DTNBP1: variants seen among roughly 807,000 people sequenced by gnomAD.
DTNBP1 encodes the protein dysbindin.
A neutral mutation model predicts 42.8 loss-of-function variants in DTNBP1; 35 were observed. The observed-to-expected ratio is 0.82, with a 90% confidence interval of 0.63 to 1.09. DTNBP1 has a LOEUF of 1.09. Ranked by LOEUF, DTNBP1 falls within the 50% of genes least tolerant of loss-of-function variation. The pLI is 0.00. For missense variants in DTNBP1, 457 were observed against 424.2 expected (o/e 1.08, Z -0.68); for synonymous variants, 171 against 162.2 (o/e 1.05, Z -0.41).
At chr6:15,557,149 G>A (rs1284400094) in intron 7 of DTNBP1, among the ~76,000 whole-genome samples, 1 of 151,946 alleles carries the variant, frequency 6.6e-6, no homozygotes, top group Non-Finnish European at 1.5e-5. Context: ...CATAACATAC[G>A]TAACTGAGAC....
At chr6:15,536,085 G>GTGTT (rs1773211394) in intron 7 of DTNBP1, among the ~76,000 whole-genome samples, 1 of 152,172 alleles carries the variant, frequency 6.6e-6, no homozygotes. Flanking sequence ...TCAGTTTTAT[G>GTGTT]TGTTCACAAG....
intron 8 of DTNBP1, among the ~76,000 whole-genome samples, chr6:15,526,008 G>A (rs938726406): frequency 6.6e-6 from 1 of 152,060 alleles, no homozygotes; most frequent in African/African-American, 2.4e-5. Context: ...AGAGAGAGAG[G>A]GCAGGCTAAG....
chr6:15,651,974 C>T, intron 2 of DTNBP1, 113 bp downstream of exon 2: 1 of 866,074 alleles, frequency 1.2e-6, no homozygotes, highest in Non-Finnish European at 1.9e-6. Context: ...ATTTTGTAGT[C>T]AGATGCACTC....
intron 6 of DTNBP1, chr6:15,595,185 G>C: frequency 2.2e-6 from 1 of 448,900 alleles, no homozygotes; most frequent in Non-Finnish European, 4.4e-6. Context: ...TCCTAAAACA[G>C]ATGACTGCTT....
chr6:15,634,891 C>A (rs1759918350), intron 4 of DTNBP1, among the ~76,000 whole-genome samples: 1 of 152,176 alleles, frequency 6.6e-6, no homozygotes, highest in Non-Finnish European at 1.5e-5. Context: ...CTATTCCTTC[C>A]TACATCTCAG....
At chr6:15,628,009 A>G (rs1759454221) in intron 4 of DTNBP1, among the ~76,000 whole-genome samples, 1 of 152,234 alleles carries the variant, frequency 6.6e-6, no homozygotes, top group South Asian at 2.1e-4. Context: ...CCAATTCCAG[A>G]ATTCCAGAAA....
chr6:15,618,711 C>T (rs1008078358), intron 5 of DTNBP1, among the ~76,000 whole-genome samples: 1 of 152,036 alleles, frequency 6.6e-6, no homozygotes. Context: ...GACCAGCAGT[C>T]CCACTACTAT....
At chr6:15,662,724 C>A (rs1761722052) in intron 1 of DTNBP1, 90 bp downstream of exon 1, 1 of 1,563,588 alleles carries the variant, frequency 6.4e-7, no homozygotes, top group African/African-American at 1.4e-5. Context: ...GGACCCTGGA[C>A]CGTGGCGCGG....
At chr6:15,558,675 T>C (rs1304877034) in intron 7 of DTNBP1, among the ~76,000 whole-genome samples, 3 of 152,220 alleles carry the variant, frequency 2.0e-5, no homozygotes, top group Non-Finnish European at 4.4e-5. Flanking sequence ...TTCATAAATA[T>C]TGAGCAAAAT....
intron 7 of DTNBP1, among the ~76,000 whole-genome samples, chr6:15,584,876 C>G (rs1581360677): frequency 6.7e-6 from 1 of 148,370 alleles, no homozygotes; most frequent in African/African-American, 2.5e-5. Flanking sequence ...ATGGATAGTA[C>G]AATAAATTAC....
chr6:15,650,003 C>A (rs1386992709), intron 3 of DTNBP1, among the ~76,000 whole-genome samples: 1 of 152,134 alleles, frequency 6.6e-6, no homozygotes, highest in Non-Finnish European at 1.5e-5. Context: ...CTGTTCTTCA[C>A]ACAACAAAAC....
intron 7 of DTNBP1, among the ~76,000 whole-genome samples, chr6:15,556,395 T>C (rs1389203897): frequency 6.6e-6 from 1 of 152,120 alleles, no homozygotes; most frequent in East Asian, 1.9e-4. Flanking sequence ...TTGGCCAGGC[T>C]GGTATTGAAC....
chr6:15,581,478 GTT>G lies in DTNBP1; in HGVS notation c.511+11579_511+11580del, dbSNP rs68011795. 6.2e-3 allele frequency among the ~76,000 whole-genome samples: 562 copies of G among 90,350 alleles called. 1 individual carries two copies. Among genetic ancestry groups the G allele is most frequent in the Non-Finnish European group, 8.2e-3 (399 of 48,878 alleles). The allele number at this position is 90,350 out of a possible 152,430, so 59.3% of individuals were successfully genotyped here. On this transcript the variant is annotated intron_variant, in intron 7 of 9. Coordinates refer to ENST00000344537, the MANE Select transcript of DTNBP1 (RefSeq NM_032122.5). ...CAGGCATGAGCCACCGCGCCCGACTGTTTTTTTTTTTTTTTTTTTTGAGATGG... is the reference window on the plus strand; with the variant it reads ...CAGGCATGAGCCACCGCGCCCGACTGTTTTTTTTTTTTTTTTTTGAGATGG...
chr6:15,552,185 G>GT (rs1436630229), intron 7 of DTNBP1, among the ~76,000 whole-genome samples: 1 of 152,104 alleles, frequency 6.6e-6, no homozygotes, highest in Non-Finnish European at 1.5e-5. Flanking sequence ...AAAAAGTGAC[G>GT]TTACCCAAGG....
At chr6:15,629,097 G>GA (rs1759535244) in intron 4 of DTNBP1, among the ~76,000 whole-genome samples, 2 of 152,104 alleles carry the variant, frequency 1.3e-5, no homozygotes, top group Admixed American at 6.5e-5. Context: ...AAAACATACT[G>GA]AAAAAACAGC....
chr6:15,599,971 C>T (rs768526258), intron 6 of DTNBP1, among the ~76,000 whole-genome samples: 1 of 152,130 alleles, frequency 6.6e-6, no homozygotes, highest in Non-Finnish European at 1.5e-5. Flanking sequence ...TGTCTGCAGT[C>T]ATGCCCCACC....
intron 4 of DTNBP1, among the ~76,000 whole-genome samples, chr6:15,630,175 G>A (rs1759606177): frequency 6.6e-6 from 1 of 152,146 alleles, no homozygotes; most frequent in Non-Finnish European, 1.5e-5. Context: ...ATGTAGAATA[G>A]GATCTTAGTA....
At chr6:15,646,575 A>T (rs1190197973) in intron 3 of DTNBP1, among the ~76,000 whole-genome samples, 6 of 152,146 alleles carry the variant, frequency 3.9e-5, no homozygotes, top group African/African-American at 1.4e-4. Flanking sequence ...ATCCAAAGCA[A>T]AAAGAACAAA....
chr6:15,532,726 G>A (rs1264138753), intron 8 of DTNBP1, among the ~76,000 whole-genome samples: 1 of 80,050 alleles, frequency 1.2e-5, no homozygotes, highest in Non-Finnish European at 2.1e-5. Flanking sequence ...TTTTGAGACA[G>A]TCTCACTCTG....
Sources: allele counts gnomAD v4.1 joint callset (sites outside exome capture counted in the v4.1 genomes callset), GRCh38; gene constraint gnomAD v4.1.1; transcripts MANE v1.5; gene names NCBI Gene and HGNC (gene_info 2026-07-23, HGNC 2026-07-21).